Variants in SLC35F1 observed in about 807,000 individuals in gnomAD.
SLC35F1 encodes the protein solute carrier family 35 member F1.
SLC35F1 carries 14 observed loss-of-function variants against 48.7 expected under a neutral mutation model. That is an observed-to-expected ratio of 0.29 (90% CI 0.19 to 0.45). The LOEUF (loss-of-function observed/expected upper bound fraction) is 0.45. Ranked by LOEUF, SLC35F1 falls within the 20% of genes least tolerant of loss-of-function variation. The pLI is 1.00. For synonymous variants in SLC35F1, 190 were observed against 202.2 expected, an observed-to-expected ratio of 0.94 and a Z score of 0.51; for missense variants, 404 against 500.0, an observed-to-expected ratio of 0.81 and a Z score of 1.83.
chr6:117,962,214 TG>T (rs1468642618), intron 1 of SLC35F1, among the ~76,000 whole-genome samples: 1 of 152,204 alleles, frequency 6.6e-6, no homozygotes, highest in Non-Finnish European at 1.5e-5. Context: ...AGCAGGGGAC[TG>T]CCTTTCCCAT....
At chr6:118,100,196 A>T (rs897867264) in intron 1 of SLC35F1, among the ~76,000 whole-genome samples, 6 of 152,200 alleles carry the variant, frequency 3.9e-5, no homozygotes, top group African/African-American at 1.4e-4. Context: ...AAGCCTAGGC[A>T]TGCTTTTAAC....
At chr6:118,061,186 C>T (rs2114273882) in intron 1 of SLC35F1, among the ~76,000 whole-genome samples, 1 of 152,276 alleles carries the variant, frequency 6.6e-6, no homozygotes. Context: ...CCATCCATTC[C>T]CCGGAGAGGC....
chr6:118,078,977 T>G (rs1422134268), intron 1 of SLC35F1, among the ~76,000 whole-genome samples: 1 of 152,228 alleles, frequency 6.6e-6, no homozygotes, highest in Non-Finnish European at 1.5e-5. Flanking sequence ...TGTAGCCTGC[T>G]GGTCCTTTTG....
Position 118,267,164 on chromosome 6 carries a change from C to G in SLC35F1, c.637+10C>G. The G allele has an allele frequency of 6.2e-7, 1 of 1,613,686 alleles. No individual in the cohort carries two copies. The highest frequency in any genetic ancestry group is 2.2e-5 in the East Asian group (1 of 44,860). On this transcript the variant is annotated intron_variant, in intron 4 of 7. Coordinates refer to ENST00000360388, the MANE Select transcript of SLC35F1 (RefSeq NM_001029858.4). ...AGACATCAGGGAGCAGGTGAGTCTTCGGATGTTCACCAGGTTCCTTACCTC... is the reference window on the plus strand; with the variant it reads ...AGACATCAGGGAGCAGGTGAGTCTTGGGATGTTCACCAGGTTCCTTACCTC...
In SLC35F1 at chr6:117,990,394, C is replaced by T. The variant is rs527875840; in HGVS notation, c.173+82495C>T. On this transcript the variant is annotated intron_variant, in intron 1 of 7. Transcript: ENST00000360388. ...ACCATATGCTTCTCCATCCTTTCTC[C>T]TCCCCAGTGAAATGTCTTCTCTGGT... Among the ~76,000 whole-genome samples the T allele has an allele frequency of 1.3e-3, 192 of 152,292 alleles. No individual in the cohort carries two copies. In the Middle Eastern group the frequency reaches 0.024, roughly 19 times the overall value.
At position 118,066,806 on chromosome 6, in the gene SLC35F1, C is replaced by T. The variant is rs76954720; in HGVS notation, c.174-87639C>T. Among the ~76,000 whole-genome samples, 258 of 144,506 alleles carry T rather than the reference C, an allele frequency of 1.8e-3. 3 individuals carry two copies. In the East Asian group the frequency reaches 0.036, roughly 20 times the overall value. 94.8% of individuals were successfully genotyped at this position (144,506 alleles called of 152,430 possible). ...TGTCACCCAGGCTGGAATGCAATGG[C>T]GCGATCTCGGCTAAGGCAGTAGTTC... On this transcript the variant is annotated intron_variant, in intron 1 of 7. Coordinates refer to ENST00000360388, the MANE Select transcript of SLC35F1 (RefSeq NM_001029858.4).
intron 7 of SLC35F1, among the ~76,000 whole-genome samples, chr6:118,285,701 G>A (rs943593444): frequency 2.0e-5 from 3 of 152,186 alleles, no homozygotes; most frequent in African/African-American, 4.8e-5. Flanking sequence ...TGGATTCTGC[G>A]AAAGGCCTTG....
At chr6:118,201,532 G>C (rs1774873820) in intron 2 of SLC35F1, among the ~76,000 whole-genome samples, 1 of 152,210 alleles carries the variant, frequency 6.6e-6, no homozygotes, top group Non-Finnish European at 1.5e-5. Context: ...TTACAATGCA[G>C]TTGATGAATA....
intron 1 of SLC35F1, among the ~76,000 whole-genome samples, chr6:118,145,763 G>T (rs569571817): frequency 6.4e-4 from 97 of 152,228 alleles, no homozygotes; most frequent in African/African-American, 2.0e-3. Context: ...GATAACCTCT[G>T]CAGTTTGGGG....
chr6:118,119,494 G>GCCCCCCCCCC (rs369126799), intron 1 of SLC35F1, among the ~76,000 whole-genome samples: 25 of 52,192 alleles, frequency 4.8e-4, no homozygotes, highest in Non-Finnish European at 9.0e-4. Flanking sequence ...AATAACCGGC[G>GCCCCCCCCCC]CCCCCCCTCC....
chr6:118,288,627 C>T (rs406031), intron 7 of SLC35F1, among the ~76,000 whole-genome samples: 15,255 of 152,046 alleles, frequency 0.1, 927 homozygotes, highest in African/African-American at 0.16. Flanking sequence ...TGTTTCTTAT[C>T]GTATTTAAGG....
chr6:117,982,949 C>T (rs1162971813), intron 1 of SLC35F1, among the ~76,000 whole-genome samples: 2 of 152,070 alleles, frequency 1.3e-5, no homozygotes, highest in Non-Finnish European at 2.9e-5. Flanking sequence ...CATTTATTAA[C>T]CTTTCTGCAT....
At chr6:117,968,908 G>C (rs1776604655) in intron 1 of SLC35F1, among the ~76,000 whole-genome samples, 1 of 152,262 alleles carries the variant, frequency 6.6e-6, no homozygotes, top group South Asian at 2.1e-4. Flanking sequence ...GAGTCTACTT[G>C]TCTATATATC....
At chr6:118,118,922 T>C (rs531185060) in intron 1 of SLC35F1, among the ~76,000 whole-genome samples, 1 of 128,880 alleles carries the variant, frequency 7.8e-6, no homozygotes, top group South Asian at 2.8e-4. Flanking sequence ...ATGCTTTAGG[T>C]TTTTTGTTTG....
chr6:117,909,833 A>G (rs113626181), intron 1 of SLC35F1, among the ~76,000 whole-genome samples: 67 of 152,304 alleles, frequency 4.4e-4, no homozygotes, highest in African/African-American at 1.3e-3. Flanking sequence ...GATCTGTGAC[A>G]TGAGTTGTAC....
At chr6:118,179,066 A>C (rs939770062) in intron 2 of SLC35F1, among the ~76,000 whole-genome samples, 1 of 152,120 alleles carries the variant, frequency 6.6e-6, no homozygotes, top group Non-Finnish European at 1.5e-5. Flanking sequence ...TACACTGAGA[A>C]CTGAGCAGAA....
chr6:118,004,458 T>C (rs1777147637), intron 1 of SLC35F1, among the ~76,000 whole-genome samples: 1 of 152,238 alleles, frequency 6.6e-6, no homozygotes, highest in Non-Finnish European at 1.5e-5. Context: ...CTAACCATTG[T>C]TTTGGAAAAC....
chr6:118,212,723 AAGGAAAGGAAGG>A (rs1336902910), intron 2 of SLC35F1, among the ~76,000 whole-genome samples: 2 of 118,646 alleles, frequency 1.7e-5, no homozygotes, highest in African/African-American at 6.7e-5. Flanking sequence ...GGAAGGAAGG[AAGGAAAGGAAGG>A]AAGGAAGGAA....
chr6:118,246,508 G>A (rs777983039), intron 3 of SLC35F1, among the ~76,000 whole-genome samples: 15 of 152,216 alleles, frequency 9.9e-5, no homozygotes, highest in Middle Eastern at 3.4e-3. Context: ...GCTCTACCCC[G>A]TGACAGACAG....
Sources: allele counts gnomAD v4.1 joint callset (sites outside exome capture counted in the v4.1 genomes callset), GRCh38; gene constraint gnomAD v4.1.1; transcripts MANE v1.5; gene names NCBI Gene and HGNC (gene_info 2026-07-23, HGNC 2026-07-21).